Variants in SCRG1 observed in about 807,000 individuals in gnomAD.
SCRG1 encodes the protein scrapie-responsive protein 1.
In SCRG1, 3 loss-of-function variants were observed where a neutral mutation model predicts 7.7. The observed-to-expected ratio is 0.39, with a 90% CI of 0.18 to 1.01. The LOEUF (loss-of-function observed/expected upper bound fraction) is 1.01. Among genes scored for constraint, SCRG1 ranks in the 50% least tolerant of loss-of-function variants. The pLI, the probability that SCRG1 is intolerant of heterozygous loss-of-function variation, is 0.36. For synonymous variants in SCRG1, 46 were observed against 41.2 expected, an observed-to-expected ratio of 1.12 and a Z score of -0.44; for missense variants, 110 against 117.2, an observed-to-expected ratio of 0.94 and a Z score of 0.28.
the SCRG1 span, among the ~76,000 whole-genome samples, chr4:173,423,102 A>G: frequency 6.6e-6 from 1 of 152,184 alleles, no homozygotes; most frequent in African/African-American, 2.4e-5. Flanking sequence ...GAACCTCATG[A>G]CATTAAATTG....
At chr4:173,487,984 C>T in the SCRG1 span, among the ~76,000 whole-genome samples, 1 of 151,860 alleles carries the variant, frequency 6.6e-6, no homozygotes, top group Admixed American at 6.6e-5. Flanking sequence ...ACCTGTGGTC[C>T]CAGCTACTTG....
the SCRG1 span, among the ~76,000 whole-genome samples, chr4:173,424,897 T>TTAAAATAAAATAAAATAAAATAAAA: frequency 0.25 from 32,853 of 130,604 alleles, 5,200 homozygotes; most frequent in Non-Finnish European, 0.31. Context: ...AGACTCCATC[T>TTAAAATAAAATAAAATAAAATAAAA]TAAAATAAAA....
At chr4:173,470,103 T>C in the SCRG1 span, 7 of 146,300 alleles carry the variant, frequency 4.8e-5, no homozygotes, top group East Asian at 1.5e-3. Flanking sequence ...TTCTCTTTTT[T>C]CTCTCTCTCC....
At chr4:173,442,705 C>T in the SCRG1 span, among the ~76,000 whole-genome samples, 1 of 152,088 alleles carries the variant, frequency 6.6e-6, no homozygotes, top group East Asian at 1.9e-4. Flanking sequence ...ATCAAAGGGC[C>T]GCATCTGGTG....
the SCRG1 span, among the ~76,000 whole-genome samples, chr4:173,491,682 T>C: frequency 6.6e-6 from 1 of 152,180 alleles, no homozygotes; most frequent in Non-Finnish European, 1.5e-5. Context: ...AGAGGAGATG[T>C]GCAATGCCCA....
the SCRG1 span, among the ~76,000 whole-genome samples, chr4:173,423,499 C>T: frequency 2.0e-5 from 3 of 151,888 alleles, no homozygotes; most frequent in Non-Finnish European, 2.9e-5. Context: ...ATAAAGACAG[C>T]GTTTGCTAAA....
the SCRG1 span, among the ~76,000 whole-genome samples, chr4:173,430,294 G>T: frequency 3.9e-5 from 6 of 152,258 alleles, no homozygotes; most frequent in African/African-American, 1.4e-4. Context: ...CAGGTTTAGG[G>T]TTTGAGTTTT....
At chr4:173,518,170 A>G in the SCRG1 span, among the ~76,000 whole-genome samples, 22 of 152,218 alleles carry the variant, frequency 1.4e-4, no homozygotes, top group African/African-American at 4.8e-4. Flanking sequence ...TCCAAGTTCC[A>G]CAGTTAAAGA....
rs568549518 is a variant in SCRG1 at position 173,396,321 on chromosome 4, G to C, written c.-15+2747C>G. Reference sequence around the variant, plus strand: ...GAAAATACAAATTTGAGAGTAATCAGGATATTTATTGATAGTATCTATAGC... The same window carrying C: ...GAAAATACAAATTTGAGAGTAATCACGATATTTATTGATAGTATCTATAGC... On this transcript the variant is annotated intron_variant, in intron 1 of 2. Coordinates refer to ENST00000296506, the MANE Select transcript of SCRG1 (RefSeq NM_007281.4). 2.0e-4 allele frequency among the ~76,000 whole-genome samples: 31 copies of C among 152,328 alleles called. 1 individual carries two copies. The Middle Eastern group carries it at 0.024, about 117-fold the overall frequency.
At chr4:173,517,430 T>G in the SCRG1 span, among the ~76,000 whole-genome samples, 1 of 151,118 alleles carries the variant, frequency 6.6e-6, no homozygotes. Flanking sequence ...TAAGGAGTTT[T>G]GCGTTTTTTA....
At chr4:173,495,965 A>G in the SCRG1 span, among the ~76,000 whole-genome samples, 5 of 152,194 alleles carry the variant, frequency 3.3e-5, no homozygotes, top group Non-Finnish European at 5.9e-5. Context: ...ATTTTGAAGG[A>G]CAAGAATCCT....
chr4:173,500,855 T>C, the SCRG1 span, among the ~76,000 whole-genome samples: 7 of 152,314 alleles, frequency 4.6e-5, no homozygotes, highest in Non-Finnish European at 1.5e-5. Flanking sequence ...CCCCGATTGT[T>C]AATTTGTCCT....
At chr4:173,420,002 T>G in the SCRG1 span, 1,359 of 684,136 alleles carry the variant, frequency 2.0e-3, 18 homozygotes, top group African/African-American at 0.021. Flanking sequence ...TATTTGGGTG[T>G]GTTGTATTTA....
chr4:173,478,802 G>A, the SCRG1 span, among the ~76,000 whole-genome samples: 1 of 152,132 alleles, frequency 6.6e-6, no homozygotes, highest in Non-Finnish European at 1.5e-5. Context: ...TCACAGATGA[G>A]GAAGAAACAA....
At chr4:173,405,590 G>T (rs935859542) in intron 1 of SCRG1, among the ~76,000 whole-genome samples, 1 of 152,090 alleles carries the variant, frequency 6.6e-6, no homozygotes, top group Non-Finnish European at 1.5e-5. Context: ...GTCCATCATT[G>T]CTTATTTATT....
chr4:173,436,480 C>A, the SCRG1 span, among the ~76,000 whole-genome samples: 1 of 152,154 alleles, frequency 6.6e-6, no homozygotes, highest in Non-Finnish European at 1.5e-5. Flanking sequence ...GTCACTGTAG[C>A]CTTTTACCTC....
intron 1 of SCRG1, among the ~76,000 whole-genome samples, chr4:173,397,210 G>C (rs931609554): frequency 6.6e-6 from 1 of 152,100 alleles, no homozygotes; most frequent in African/African-American, 2.4e-5. Context: ...GGGATACATT[G>C]GTTGTTGTTT....
chr4:173,500,968 G>C, the SCRG1 span, among the ~76,000 whole-genome samples: 4 of 152,236 alleles, frequency 2.6e-5, no homozygotes, highest in African/African-American at 9.6e-5. Context: ...CTCCTTCCGG[G>C]GAGCAGAAGG....
chr4:173,407,147 T>G (rs2126925556), upstream of SCRG1, among the ~76,000 whole-genome samples: 1 of 150,790 alleles, frequency 6.6e-6, no homozygotes, highest in African/African-American at 2.4e-5. Context: ...AGGCAGAAGT[T>G]GCAGTGAGCT....
Sources: gnomAD v4.1 joint callset for allele counts (sites outside exome capture counted in the v4.1 genomes callset) on GRCh38, gnomAD v4.1.1 for gene constraint, MANE v1.5 for transcripts, NCBI Gene and HGNC (gene_info 2026-07-23, HGNC 2026-07-21) for gene names.